The following ASTN2 variants were observed in gnomAD, a reference collection of about 807,000 sequenced individuals.
The protein encoded by ASTN2 is astrotactin 2.
A neutral mutation model predicts 139.8 loss-of-function variants in ASTN2; 54 were observed. That is an observed-to-expected ratio of 0.39 (90% CI 0.31 to 0.48). The LOEUF (loss-of-function observed/expected upper bound fraction) is 0.48. Among genes scored for constraint, ASTN2 ranks in the 20% least tolerant of loss-of-function variants. ASTN2 has a pLI of 0.95. For missense variants in ASTN2, 1,565 were observed against 1,725.1 expected (o/e 0.91, Z 1.64); for synonymous variants, 756 against 719.5 (o/e 1.05, Z -0.81).
intron 1 of ASTN2, among the ~76,000 whole-genome samples, chr9:117,399,499 C>T (rs10513301): frequency 0.18 from 27,038 of 152,190 alleles, 2,980 homozygotes; most frequent in East Asian, 0.39. Context: ...TGAATTTAGA[C>T]GGCACATGAG....
At chr9:116,684,428 C>G (rs1198004911) in intron 16 of ASTN2, among the ~76,000 whole-genome samples, 1 of 152,166 alleles carries the variant, frequency 6.6e-6, no homozygotes, top group Non-Finnish European at 1.5e-5. Context: ...GTTTTTTCTA[C>G]AATTTTGACT....
intron 2 of ASTN2, among the ~76,000 whole-genome samples, chr9:117,251,548 A>C (rs1335246396): frequency 1.3e-5 from 2 of 152,220 alleles, no homozygotes; most frequent in Non-Finnish European, 2.9e-5. Flanking sequence ...GCAGGAACTC[A>C]ATAAACACTA....
chr9:116,534,147 GTA>G (rs1395843935), intron 19 of ASTN2, among the ~76,000 whole-genome samples: 1 of 152,142 alleles, frequency 6.6e-6, no homozygotes, highest in Admixed American at 6.6e-5. Context: ...GCTTATCTGT[GTA>G]GAGTTGTCTC....
chr9:117,298,706 G>GCATA (rs1564133286), intron 1 of ASTN2, among the ~76,000 whole-genome samples: 7 of 56,382 alleles, frequency 1.2e-4, no homozygotes, highest in South Asian at 4.3e-4. Context: ...ATATGTATGT[G>GCATA]TGTGTGTGTG....
chr9:117,229,092 T>G (rs934280114), intron 2 of ASTN2, among the ~76,000 whole-genome samples: 20 of 152,282 alleles, frequency 1.3e-4, no homozygotes, highest in African/African-American at 4.3e-4. Context: ...ATTGCCCAGC[T>G]ACCTGTCACC....
chr9:116,634,839 T>C (rs1406262473), intron 17 of ASTN2, among the ~76,000 whole-genome samples: 2 of 152,130 alleles, frequency 1.3e-5, no homozygotes, highest in Admixed American at 6.5e-5. Flanking sequence ...AATTTTTGAA[T>C]CAGTGGATCT....
chr9:116,687,736 G>A (rs1284934376), intron 16 of ASTN2, among the ~76,000 whole-genome samples: 1 of 152,014 alleles, frequency 6.6e-6, no homozygotes, highest in Non-Finnish European at 1.5e-5. Context: ...GGCCCTGGAG[G>A]GACCTGGGTG....
intron 13 of ASTN2, among the ~76,000 whole-genome samples, chr9:116,770,198 T>G (rs1304098073): frequency 1.3e-5 from 2 of 151,590 alleles, no homozygotes; most frequent in Non-Finnish European, 1.5e-5. Flanking sequence ...ACCCAGCCGA[T>G]ATTGGAGAAC....
rs1371485221 is a variant in ASTN2, at chr9:117,067,044, C to T, written c.1277-27079G>A. 7.8e-5 allele frequency among the ~76,000 whole-genome samples: 7 copies of T among 89,998 alleles called. No homozygotes were observed. In the East Asian group the frequency reaches 8.7e-4, roughly 11 times the overall value. The allele number at this position is 89,998 out of a possible 152,430, so 59.0% of individuals were successfully genotyped here. ...CATTTGTCAATTTTGTCTTTTGTTG[C>T]CATTGCTTTTGGTGTTTTAGACATG... On this transcript the variant is annotated intron_variant, in intron 5 of 22. Transcript: ENST00000313400.
At chr9:117,308,892 T>C (rs1468544039) in intron 1 of ASTN2, among the ~76,000 whole-genome samples, 2 of 152,200 alleles carry the variant, frequency 1.3e-5, no homozygotes, top group Non-Finnish European at 2.9e-5. Context: ...GTGCGGCTAA[T>C]GCCTGTTGCA....
At chr9:116,737,103 G>A (rs1346619972) in intron 13 of ASTN2, among the ~76,000 whole-genome samples, 2 of 152,216 alleles carry the variant, frequency 1.3e-5, no homozygotes, top group Non-Finnish European at 2.9e-5. Context: ...ATGGAAGACT[G>A]GGAAGAAGGG....
intron 10 of ASTN2, among the ~76,000 whole-genome samples, chr9:116,882,569 A>C: frequency 6.6e-6 from 1 of 152,156 alleles, no homozygotes; most frequent in East Asian, 1.9e-4. Flanking sequence ...AAAACAAAAA[A>C]CTGGGAGACT....
chr9:117,154,330 C>T lies in ASTN2; in HGVS notation c.1016-12852G>A, dbSNP rs553713253. Among the ~76,000 whole-genome samples the T allele has an allele frequency of 2.0e-5, 3 of 152,056 alleles. No homozygotes were observed. In the South Asian group the frequency reaches 6.2e-4, roughly 32 times the overall value. On this transcript the variant is annotated intron_variant, in intron 3 of 22. Transcript: ENST00000313400. Reference sequence around the variant, plus strand: ...CATGACAGTAAGAGCAGGCTGGCTTCATTATTCATGATTACATGCCGTCAC... The same window carrying T: ...CATGACAGTAAGAGCAGGCTGGCTTTATTATTCATGATTACATGCCGTCAC...
intron 2 of ASTN2, among the ~76,000 whole-genome samples, chr9:117,272,696 T>C (rs543125297): frequency 6.6e-6 from 1 of 152,282 alleles, no homozygotes; most frequent in Non-Finnish European, 1.5e-5. Flanking sequence ...CACAAATCTC[T>C]AGGGCAAGGG....
chr9:116,660,168 GCACACA>G (rs3041004), intron 16 of ASTN2, among the ~76,000 whole-genome samples: 5,688 of 146,656 alleles, frequency 0.039, 356 homozygotes, highest in African/African-American at 0.13. Context: ...TATTGCAAGC[GCACACA>G]CACACACACA....
At chr9:117,294,157 C>A (rs1564130906) in intron 1 of ASTN2, among the ~76,000 whole-genome samples, 1 of 152,228 alleles carries the variant, frequency 6.6e-6, no homozygotes, top group East Asian at 1.9e-4. Flanking sequence ...GAATTTGTAC[C>A]TAGCTAGAAC....
intron 16 of ASTN2, chr9:116,697,995 A>T: frequency 1.2e-6 from 2 of 1,614,206 alleles, no homozygotes; most frequent in Non-Finnish European, 1.7e-6. Flanking sequence ...AGTGCTAAAG[A>T]TCATTGATAC....
chr9:116,563,819 C>T (rs1547056), intron 19 of ASTN2, among the ~76,000 whole-genome samples: 7,522 of 152,224 alleles, frequency 0.049, 629 homozygotes, highest in African/African-American at 0.17. Flanking sequence ...TGCAACCTGA[C>T]GTTCCAGAAT....
At chr9:116,979,349 A>G (rs1055329405) in intron 7 of ASTN2, among the ~76,000 whole-genome samples, 1 of 152,174 alleles carries the variant, frequency 6.6e-6, no homozygotes, top group Admixed American at 6.5e-5. Context: ...GCTCACAGGT[A>G]GGAATGCTCT....
Sources: allele counts gnomAD v4.1 joint callset (sites outside exome capture counted in the v4.1 genomes callset), GRCh38; gene constraint gnomAD v4.1.1; transcripts MANE v1.5; gene names NCBI Gene and HGNC (gene_info 2026-07-23, HGNC 2026-07-21).